Variants in SORBS2 observed in about 807,000 individuals in gnomAD.
The protein encoded by SORBS2 is sorbin and SH3 domain containing 2.
In SORBS2, 46 loss-of-function variants were observed where a neutral mutation model predicts 97.7. The ratio of observed to expected loss-of-function variants is 0.47; its 90% CI spans 0.37 to 0.60. The LOEUF (loss-of-function observed/expected upper bound fraction) is 0.60, where lower values mean the gene tolerates loss of function less well. Among genes scored for constraint, SORBS2 ranks in the 20% least tolerant of loss-of-function variants. SORBS2 has a pLI of 0.00. For synonymous variants in SORBS2, 476 were observed against 473.4 expected, an observed-to-expected ratio of 1.01 and a Z score of -0.07; for missense variants, 1,316 against 1,282.3, an observed-to-expected ratio of 1.03 and a Z score of -0.40.
chr4:185,686,883 A>G (rs188041858), intron 2 of SORBS2, among the ~76,000 whole-genome samples: 1 of 152,330 alleles, frequency 6.6e-6, no homozygotes, highest in Non-Finnish European at 1.5e-5. Flanking sequence ...TAAGGAAAAC[A>G]CAGTGCTAAC....
chr4:185,602,748 CAG>C (rs10606485), intron 12 of SORBS2, among the ~76,000 whole-genome samples: 47,726 of 151,954 alleles, frequency 0.31, 8,388 homozygotes, highest in African/African-American at 0.48. Context: ...CTCAGATTGG[CAG>C]AGTTTGTAAC....
chr4:185,744,921 G>A (rs552347927), intron 2 of SORBS2, among the ~76,000 whole-genome samples: 4 of 152,340 alleles, frequency 2.6e-5, no homozygotes, highest in Non-Finnish European at 4.4e-5. Flanking sequence ...CTTTTGGATT[G>A]GGGGCTCAGA....
intron 9 of SORBS2, among the ~76,000 whole-genome samples, chr4:185,617,456 T>C (rs2096646318): frequency 1.3e-5 from 2 of 152,206 alleles, no homozygotes; most frequent in South Asian, 4.1e-4. Flanking sequence ...ATATGTCTTC[T>C]GCCAGAGACA....
chr4:185,763,482 CT>C (rs1031034956), intron 2 of SORBS2, among the ~76,000 whole-genome samples: 3 of 152,198 alleles, frequency 2.0e-5, no homozygotes, highest in African/African-American at 7.2e-5. Flanking sequence ...TGTCTAATTC[CT>C]TATATAAGTG....
chr4:185,849,948 T>C (rs1205378996), intron 1 of SORBS2, among the ~76,000 whole-genome samples: 1 of 152,234 alleles, frequency 6.6e-6, no homozygotes, highest in African/African-American at 2.4e-5. Flanking sequence ...GGAGACAAGC[T>C]GCTTGCAATG....
intron 2 of SORBS2, among the ~76,000 whole-genome samples, chr4:185,692,851 C>A (rs1322047977): frequency 3.3e-5 from 5 of 151,978 alleles, no homozygotes; most frequent in African/African-American, 9.7e-5. Flanking sequence ...ATTACTAATA[C>A]CTTAGGACTC....
chr4:185,636,600 G>A (rs1378482659), intron 4 of SORBS2, among the ~76,000 whole-genome samples: 1 of 151,642 alleles, frequency 6.6e-6, no homozygotes, highest in Admixed American at 6.6e-5. Flanking sequence ...GCTGTTGGTG[G>A]ATACAGTTCC....
chr4:185,652,501 C>T (rs868703827), intron 2 of SORBS2, among the ~76,000 whole-genome samples, 161 bp downstream of exon 10: 4 of 152,060 alleles, frequency 2.6e-5, no homozygotes, highest in South Asian at 2.1e-4. Context: ...GATCTGTCAC[C>T]GGAGGGGTGA....
Position 185,704,680 on chromosome 4 carries a change from TACCC to T in SORBS2, c.-197-25862_-197-25859del, listed in dbSNP as rs1462353576. 1.1e-3 allele frequency among the ~76,000 whole-genome samples: 167 copies of T among 151,978 alleles called. 2 individuals carry two copies. Among genetic ancestry groups the T allele is most frequent in the African/African-American group, 3.9e-3 (159 of 41,246 alleles). On this transcript the variant is annotated intron_variant, in intron 2 of 20. Transcript: ENST00000284776. ...TGAGAGCCCATTCTACTCCACAAAT[TACCC>T]TGGATGTTCCCTCTCCCTCAACTCT...
At chr4:185,749,951 C>G (rs2098789458) in intron 2 of SORBS2, among the ~76,000 whole-genome samples, 1 of 152,220 alleles carries the variant, frequency 6.6e-6, no homozygotes, top group Non-Finnish European at 1.5e-5. Context: ...TCTATAAACA[C>G]CAAACACTGG....
In SORBS2 at chr4:185,607,473, A is replaced by G. The variant is rs1580827022; in HGVS notation, c.2796+4307T>C. 2.4e-6 allele frequency: 1 copy of G among 417,804 alleles called. No individual in the cohort carries two copies. The highest frequency in any genetic ancestry group is 9.4e-5 in the East Asian group (1 of 10,666). The allele number at this position is 417,804 out of a possible 1,614,324, so 25.9% of individuals were successfully genotyped here. A position where few individuals can be genotyped will look rare whatever the true frequency, so the allele number is the denominator to read the frequency against. On this transcript the variant is annotated intron_variant, in intron 12 of 14. Coordinates refer to ENST00000418609, the Ensembl canonical transcript of SORBS2. This position sits in a 1 kb window ranked among gnomAD's most constrained non-coding sequence, Gnocchi z 5.2. ...CGGTGGTGAATATGAAAATAATTTT[A>G]TGTTTAACATAGATTTGAAGACATT... is the stretch of plus-strand genomic sequence containing the variant.
intron 1 of SORBS2, among the ~76,000 whole-genome samples, chr4:185,776,106 T>C (rs2098998570): frequency 6.6e-6 from 1 of 152,140 alleles, no homozygotes; most frequent in African/African-American, 2.4e-5. Context: ...TAAGAAGTCG[T>C]ATTCATTCAT....
chr4:185,872,244 C>T (rs569787347), intron 1 of SORBS2, among the ~76,000 whole-genome samples: 90 of 152,238 alleles, frequency 5.9e-4, no homozygotes, highest in Non-Finnish European at 1.2e-3. Context: ...TTATCAGAGG[C>T]GTGTAACATA....
intron 1 of SORBS2, among the ~76,000 whole-genome samples, chr4:185,929,376 T>G (rs1317984651): frequency 6.6e-6 from 1 of 152,220 alleles, no homozygotes. Flanking sequence ...TGTAGAAAGA[T>G]TCAATCTGTA....
intron 1 of SORBS2, among the ~76,000 whole-genome samples, chr4:185,827,193 C>CAGA (rs2099200852): frequency 1.8e-5 from 2 of 114,206 alleles, no homozygotes; most frequent in Non-Finnish European, 4.0e-5. Context: ...TCACCATCAT[C>CAGA]ATCATCATCA....
Position 185,670,691 on chromosome 4 carries a change from G to T in SORBS2, c.-46+7732C>A, listed in dbSNP as rs557732118. Among the ~76,000 whole-genome samples the T allele has an allele frequency of 2.0e-5, 3 of 151,772 alleles. No individual in the cohort carries two copies. In the East Asian group the frequency reaches 5.8e-4, roughly 29 times the overall value. ...GAGCCACTGTGCCCGGCTGGAAGGG[G>T]TTTTAAAAAAACCAATCTTTACCTC... On this transcript the variant is annotated intron_variant, in intron 4 of 20. Transcript: ENST00000284776.
chr4:185,677,155 C>T (rs1459084786), intron 4 of SORBS2: 3 of 1,551,672 alleles, frequency 1.9e-6, no homozygotes, highest in East Asian at 4.9e-5. Flanking sequence ...GAAAGAGATG[C>T]TGTGTGTGTC....
intron 4 of SORBS2, among the ~76,000 whole-genome samples, chr4:185,638,414 G>T (rs2097061512): frequency 1.3e-5 from 2 of 152,134 alleles, no homozygotes; most frequent in African/African-American, 2.4e-5. Context: ...ATAAGTTGTG[G>T]GCAACTCTTG....
intron 1 of SORBS2, among the ~76,000 whole-genome samples, chr4:185,934,131 C>T (rs985848177): frequency 6.6e-6 from 1 of 152,174 alleles, no homozygotes; most frequent in African/African-American, 2.4e-5. Context: ...TGACTGATTT[C>T]TCTTTTAACC....
Sources: gnomAD v4.1 joint callset for allele counts (sites outside exome capture counted in the v4.1 genomes callset) on GRCh38, gnomAD v4.1.1 for gene constraint, Gnocchi (gnomAD v3.1) non-coding constraint, MANE v1.5 for transcripts, NCBI Gene and HGNC (gene_info 2026-07-23, HGNC 2026-07-21) for gene names.